CCDC42: variants seen among roughly 807,000 people sequenced by gnomAD.
CCDC42 encodes the protein coiled-coil domain-containing protein 42.
A neutral mutation model predicts 40.8 loss-of-function variants in CCDC42; 38 were observed. The ratio of observed to expected loss-of-function variants is 0.93; its 90% CI spans 0.72 to 1.22. The LOEUF (loss-of-function observed/expected upper bound fraction) is 1.22, where lower values mean the gene tolerates loss of function less well. Ranked by LOEUF, CCDC42 falls within the 50% of genes most tolerant of loss-of-function variation. The probability of loss-of-function intolerance (pLI) is 0.00; values close to 1 mark genes in which losing one functional copy is unlikely to be tolerated. For synonymous variants in CCDC42, 135 were observed against 157.5 expected (o/e 0.86, Z 1.07); for missense variants, 379 against 416.5 (o/e 0.91, Z 0.78).
At chr17:8,743,769 G>C in intron 2 of CCDC42, 39 bp from the exon 3 acceptor site, 1 of 1,196,440 alleles carries the variant, frequency 8.4e-7, no homozygotes, top group Non-Finnish European at 1.2e-6. Flanking sequence ...GGTCAGGAGG[G>C]CTCCTGACAT....
chr17:8,742,651 C>T (rs2086652489), intron 3 of CCDC42, among the ~76,000 whole-genome samples: 1 of 152,192 alleles, frequency 6.6e-6, no homozygotes, highest in Non-Finnish European at 1.5e-5. Context: ...CTGTATGCTG[C>T]CCTGTAAGCC....
intron 3 of CCDC42, among the ~76,000 whole-genome samples, chr17:8,742,754 T>TG: frequency 6.6e-6 from 1 of 152,292 alleles, no homozygotes; most frequent in South Asian, 2.1e-4. Flanking sequence ...TATACAAGCC[T>TG]GGGCCCAACC....
chr17:8,743,615 C>A lies in CCDC42; in HGVS notation c.294+11G>T, dbSNP rs777119805. ...CCCCTGGCCACTGCGGCCGCCCACACCCCTTCAAACCTGGATGAACTGCTC... is the reference window on the plus strand; with the variant it reads ...CCCCTGGCCACTGCGGCCGCCCACAACCCTTCAAACCTGGATGAACTGCTC... On this transcript the variant is annotated intron_variant, in intron 3 of 6. Coordinates refer to ENST00000293845, the MANE Select transcript of CCDC42 (RefSeq NM_144681.3). 3.9e-6 allele frequency: 6 copies of A among 1,548,554 alleles called. No homozygotes were observed. The Admixed American group carries it at 8.3e-5, about 22-fold the overall frequency.
chr17:8,737,439 C>T (rs970572015), intron 4 of CCDC42, among the ~76,000 whole-genome samples: 1 of 152,204 alleles, frequency 6.6e-6, no homozygotes, highest in African/African-American at 2.4e-5. Context: ...AGAAACATTA[C>T]AGGTCAGTGC....
At chr17:8,740,437 C>T (rs1263196368) in intron 4 of CCDC42, among the ~76,000 whole-genome samples, 2 of 145,686 alleles carry the variant, frequency 1.4e-5, no homozygotes, top group East Asian at 4.1e-4. Context: ...TGCAGTGAGC[C>T]GAGATCAAGC....
At chr17:8,733,039 G>C (rs1356082941) in intron 6 of CCDC42, among the ~76,000 whole-genome samples, 1 of 152,092 alleles carries the variant, frequency 6.6e-6, no homozygotes, top group Non-Finnish European at 1.5e-5. Context: ...AAGCCTCATC[G>C]AGAAATTTCA....
In CCDC42 at chr17:8,730,001, A is replaced by C. The variant is rs924690627; in HGVS notation, c.*129T>G. 4 of 760,656 alleles carry C rather than the reference A, an allele frequency of 5.3e-6. No homozygotes were observed. The highest frequency in any genetic ancestry group is 9.1e-6 in the Non-Finnish European group (4 of 437,442). The allele number at this position is 760,656 out of a possible 1,614,324, so 47.1% of individuals were successfully genotyped here. ...GATAGAGTGAGGCCCACGGGGGAAA[A>C]TAAGCAGGTGTCCCTCAGCAGGAAG... On this transcript the variant is annotated 3_prime_UTR_variant, in exon 7 of 7. Coordinates refer to ENST00000293845, the MANE Select transcript of CCDC42 (RefSeq NM_144681.3).
chr17:8,734,917 C>G (rs1356405821), intron 6 of CCDC42, among the ~76,000 whole-genome samples, 179 bp downstream of exon 6: 1 of 152,202 alleles, frequency 6.6e-6, no homozygotes, highest in African/African-American at 2.4e-5. Flanking sequence ...TCCACTGAGT[C>G]AGAGACTCTG....
At chr17:8,738,571 T>C (rs2152143620) in intron 4 of CCDC42, among the ~76,000 whole-genome samples, 1 of 151,332 alleles carries the variant, frequency 6.6e-6, no homozygotes, top group East Asian at 2.0e-4. Context: ...GTTCAAGCAA[T>C]TCTCCTGCCT....
chr17:8,743,995 G>C, intron 2 of CCDC42, 84 bp downstream of exon 2: 1 of 1,081,812 alleles, frequency 9.2e-7, no homozygotes, highest in Non-Finnish European at 1.4e-6. Context: ...CTCAGACAAT[G>C]GAGGGCTGTC....
At chr17:8,737,716 C>T (rs1322260943) in intron 4 of CCDC42, among the ~76,000 whole-genome samples, 2 of 152,186 alleles carry the variant, frequency 1.3e-5, no homozygotes, top group South Asian at 2.1e-4. Context: ...TACGATATAA[C>T]CTCTTTTGTG....
intron 4 of CCDC42, 99 bp downstream of exon 4, chr17:8,741,375 C>T: frequency 8.1e-7 from 1 of 1,230,554 alleles, no homozygotes; most frequent in Non-Finnish European, 1.2e-6. Flanking sequence ...AGTCCCCAGC[C>T]AGCTGAGCCT....
intron 4 of CCDC42, among the ~76,000 whole-genome samples, chr17:8,738,311 G>A (rs1230504431): frequency 2.0e-5 from 3 of 152,270 alleles, no homozygotes; most frequent in Admixed American, 6.5e-5. Flanking sequence ...GGAAAGTGTG[G>A]GGGATGTGAC....
chr17:8,744,507 G>T lies in CCDC42; in HGVS notation c.83+20C>A. 2 of 1,603,082 alleles carry T rather than the reference G, an allele frequency of 1.2e-6. No individual in the cohort carries two copies. Among genetic ancestry groups the T allele is most frequent in the Non-Finnish European group, 8.5e-7 (1 of 1,175,006 alleles). Reference sequence around the variant, plus strand: ...GTCCCAGGCACAGAGGGGTGGGCAAGCCAGGCCTCAGACACTCACTGGAGC... The same window carrying T: ...GTCCCAGGCACAGAGGGGTGGGCAATCCAGGCCTCAGACACTCACTGGAGC... On this transcript the variant is annotated intron_variant, in intron 1 of 6. Coordinates refer to ENST00000293845, the MANE Select transcript of CCDC42 (RefSeq NM_144681.3).
Position 8,739,836 on chromosome 17 carries a change from C to A in CCDC42, c.492+1638G>T, listed in dbSNP as rs540079696. Among the ~76,000 whole-genome samples, 18 of 152,318 alleles carry A rather than the reference C, an allele frequency of 1.2e-4. No homozygotes were observed. In the East Asian group the frequency reaches 2.5e-3, roughly 21 times the overall value. On this transcript the variant is annotated intron_variant, in intron 4 of 6. Transcript: ENST00000293845. The stretch of plus-strand genomic sequence containing the variant: ...GGGATTACAGGCGTGAGCCACCGTA[C>A]CTGGCCACATCTTGTAATTCATCTG...
chr17:8,744,647 C>A lies in CCDC42; in HGVS notation c.-38G>T, dbSNP rs751597355. Reference sequence around the variant, plus strand: ...CTCACGGCCCAGGCAGCTGACTCTTCACAGTGAAATTGTGGGTAGCAGAGC... The same window carrying A: ...CTCACGGCCCAGGCAGCTGACTCTTAACAGTGAAATTGTGGGTAGCAGAGC... On this transcript the variant is annotated 5_prime_UTR_variant, in exon 1 of 7. Transcript: ENST00000293845. The A allele has an allele frequency of 2.8e-5, 42 of 1,504,846 alleles. No homozygotes were observed. In the East Asian group the frequency reaches 9.5e-4, roughly 34 times the overall value. The allele number at this position is 1,504,846 out of a possible 1,614,324, so 93.2% of individuals were successfully genotyped here. A position where few individuals can be genotyped will look rare whatever the true frequency, so the allele number is the denominator to read the frequency against.
Position 8,735,478 on chromosome 17 carries a change from T to C in CCDC42, c.626A>G (p.Glu209Gly), listed in dbSNP as rs1347827804. ...TTGCTGCAGGATCTCATCATCCTTTTCCTCCATGTAGCGCGCCAGCCGGGC... is the reference window on the plus strand; with the variant it reads ...TTGCTGCAGGATCTCATCATCCTTTCCCTCCATGTAGCGCGCCAGCCGGGC... Reference protein sequence around the residue: ...AKARLARYMEEKDDEILQQNN... With the variant: ...AKARLARYMEGKDDEILQQNN... The change falls in exon 5 of 7, where the codon GAA becomes GGA. Residue 209 changes from glutamate (E) to glycine (G), a missense_variant. Physicochemically the swap from Glu to Gly is moderately conservative, Grantham distance 98. Coordinates refer to ENST00000293845, the MANE Select transcript of CCDC42 (RefSeq NM_144681.3). This position sits in a 1 kb window ranked among gnomAD's most constrained non-coding sequence, Gnocchi z 4.7. 1.2e-6 allele frequency: 2 copies of C among 1,614,108 alleles called. No individual in the cohort carries two copies. The highest frequency in any genetic ancestry group is 2.2e-5 in the South Asian group (2 of 91,084).
At chr17:8,732,122 A>G (rs985431792) in intron 6 of CCDC42, among the ~76,000 whole-genome samples, 1 of 152,198 alleles carries the variant, frequency 6.6e-6, no homozygotes, top group South Asian at 2.1e-4. Context: ...AACACGGTGA[A>G]ACCCCGTCTC....
rs149274270 is a variant in CCDC42 at position 8,735,554 on chromosome 17, C to A, written c.550G>T (p.Asp184Tyr). Residue 184 changes from aspartate to tyrosine, a missense_variant, in exon 5 of 7, where the codon GAC becomes TAC. Physicochemically the swap from Asp to Tyr is radical, Grantham distance 160 (BLOSUM62 -3). Transcript: ENST00000293845. The surrounding 1 kb of genome is among the most constrained non-coding windows in gnomAD (Gnocchi z 4.7). ...CCTTCCTGCGCAGACTGCATGAGGT[C>A]GTGGCGCATGCTCACCAGCGTCTTG... is the stretch of plus-strand genomic sequence containing the variant. ...RYKTLVSMRH[D>Y]LMQSAQEGQE... The A allele has an allele frequency of 1.2e-6, 2 of 1,614,112 alleles. No homozygotes were observed. The highest frequency in any genetic ancestry group is 1.6e-4 in the Middle Eastern group (1 of 6,062).
Sources: allele counts gnomAD v4.1 joint callset (sites outside exome capture counted in the v4.1 genomes callset), GRCh38; gene constraint gnomAD v4.1.1; non-coding constraint Gnocchi (gnomAD v3.1); transcripts MANE v1.5; gene names NCBI Gene and HGNC (gene_info 2026-07-23, HGNC 2026-07-21).